The following NDST4 variants were observed in gnomAD, a reference collection of about 807,000 sequenced individuals.
NDST4 encodes N-heparan sulfate sulfotransferase 4.
A neutral mutation model predicts 100.8 loss-of-function variants in NDST4; 63 were observed. The ratio of observed to expected loss-of-function variants is 0.62; its 90% CI spans 0.51 to 0.77. The LOEUF (loss-of-function observed/expected upper bound fraction) is 0.77. Ranked by LOEUF, NDST4 falls within the 30% of genes least tolerant of loss-of-function variation. The pLI, the probability that NDST4 is intolerant of heterozygous loss-of-function variation, is 0.00. For synonymous variants in NDST4, 377 were observed against 361.8 expected (o/e 1.04, Z -0.48); for missense variants, 943 against 1,018.4 (o/e 0.93, Z 1.01).
chr4:114,996,827 G>C lies in NDST4; in HGVS notation c.979-19553C>G, dbSNP rs559200811. Among the ~76,000 whole-genome samples, 26 of 152,146 alleles carry C rather than the reference G, an allele frequency of 1.7e-4. No homozygotes were observed. In the South Asian group the frequency reaches 5.2e-3, roughly 30 times the overall value. ...TTTCATGCAGGCAAAATTAGAAAAT[G>C]ATTCTAGATAATTTCTTTTTCATGT... On this transcript the variant is annotated intron_variant, in intron 2 of 13. Coordinates refer to ENST00000264363, the MANE Select transcript of NDST4 (RefSeq NM_022569.3).
chr4:114,977,204 C>G lies in NDST4; in HGVS notation c.1049G>C (p.Gly350Ala), dbSNP rs145141232. The change falls in exon 3 of 14, where the codon GGG becomes GCG. Residue 350 changes from glycine to alanine, a missense_variant. Gly to Ala is a moderately conservative substitution (Grantham distance 60). Coordinates refer to ENST00000264363, the MANE Select transcript of NDST4 (RefSeq NM_022569.3). ...CTTCTTACCTGTGTGGTAAAACTTC[C>G]CTGAAAATCCAAGGTTGAAGGTAAA... ...ANFTFNLGFS[G>A]KFYHTGTEEE... 2,858 of 1,607,432 alleles carry G rather than the reference C, an allele frequency of 1.8e-3. 2 individuals are homozygous for G. Among genetic ancestry groups the G allele is most frequent in the Non-Finnish European group, 2.3e-3 (2,663 of 1,175,902 alleles).
intron 2 of NDST4, among the ~76,000 whole-genome samples, chr4:115,053,008 T>C (rs542871613): frequency 6.6e-6 from 1 of 152,272 alleles, no homozygotes; most frequent in East Asian, 1.9e-4. Context: ...TATTTATTCC[T>C]CGAACAAAAG....
chr4:115,040,731 A>G (rs1029005106), intron 2 of NDST4, among the ~76,000 whole-genome samples: 1 of 152,020 alleles, frequency 6.6e-6, no homozygotes, highest in African/African-American at 2.4e-5. Context: ...GAAAATTAAC[A>G]AGACAAAATT....
At chr4:115,021,447 T>C (rs1452559643) in intron 2 of NDST4, among the ~76,000 whole-genome samples, 1 of 150,800 alleles carries the variant, frequency 6.6e-6, no homozygotes, top group Non-Finnish European at 1.5e-5. Flanking sequence ...ATTCCACATA[T>C]ACACATTCCA....
At chr4:114,947,446 C>G (rs1348100288) in intron 4 of NDST4, among the ~76,000 whole-genome samples, 1 of 152,106 alleles carries the variant, frequency 6.6e-6, no homozygotes, top group Non-Finnish European at 1.5e-5. Flanking sequence ...TAGCACTACT[C>G]CCTTAATTGC....
At chr4:115,078,084 T>C (rs1446219966) in intron 1 of NDST4, among the ~76,000 whole-genome samples, 1 of 152,154 alleles carries the variant, frequency 6.6e-6, no homozygotes, top group Non-Finnish European at 1.5e-5. Flanking sequence ...AAAAAATGAA[T>C]GTAGAATGCA....
At chr4:115,112,805 A>G (rs2110349208) in intron 1 of NDST4, among the ~76,000 whole-genome samples, 1 of 152,032 alleles carries the variant, frequency 6.6e-6, no homozygotes, top group East Asian at 1.9e-4. Context: ...CTCCTAGGAA[A>G]CTATGCTTAG....
At chr4:115,001,371 C>T (rs558163329) in intron 2 of NDST4, among the ~76,000 whole-genome samples, 77 of 152,042 alleles carry the variant, frequency 5.1e-4, no homozygotes, top group African/African-American at 1.8e-3. Flanking sequence ...TAGAGTTGAT[C>T]GGCCCACCAG....
In NDST4 at chr4:114,915,929, C is replaced by A. The variant is rs888788341; in HGVS notation, c.1536+19277G>T. Among the ~76,000 whole-genome samples, 8 of 151,968 alleles carry A rather than the reference C, an allele frequency of 5.3e-5. No homozygotes were observed. In the South Asian group the frequency reaches 1.7e-3, roughly 31 times the overall value. ...AATGCAAACCCCAACCACTTAAAAT[C>A]GTAATATTCTCATTTGTTACACAGT... On this transcript the variant is annotated intron_variant, in intron 6 of 13. Coordinates refer to ENST00000264363, the MANE Select transcript of NDST4 (RefSeq NM_022569.3).
chr4:115,113,201 C>CT (rs772517009), intron 1 of NDST4, among the ~76,000 whole-genome samples: 22 of 151,174 alleles, frequency 1.5e-4, no homozygotes, highest in South Asian at 2.1e-4. Context: ...AGTTGTATCT[C>CT]TTTTTTTTTA....
At chr4:114,929,131 T>A (rs553916833) in intron 6 of NDST4, among the ~76,000 whole-genome samples, 1 of 151,110 alleles carries the variant, frequency 6.6e-6, no homozygotes, top group South Asian at 2.1e-4. Flanking sequence ...TATCTATCTA[T>A]CTATCTATCT....
intron 4 of NDST4, among the ~76,000 whole-genome samples, chr4:114,956,180 C>T (rs1181361220): frequency 6.6e-6 from 1 of 152,124 alleles, no homozygotes; most frequent in East Asian, 1.9e-4. Context: ...GGCTACTACC[C>T]CAACCCAGGA....
chr4:114,890,952 T>C (rs1292300646), intron 6 of NDST4, among the ~76,000 whole-genome samples: 1 of 152,048 alleles, frequency 6.6e-6, no homozygotes, highest in Non-Finnish European at 1.5e-5. Context: ...TTGCTTCATG[T>C]TTTCCCCAGG....
At chr4:115,067,714 TA>T (rs1415919973) in intron 2 of NDST4, among the ~76,000 whole-genome samples, 1 of 150,220 alleles carries the variant, frequency 6.7e-6, no homozygotes, top group Non-Finnish European at 1.5e-5. Flanking sequence ...TTAAATATAG[TA>T]ACCTTATCAT....
chr4:115,079,472 C>T (rs1032440586), intron 1 of NDST4, among the ~76,000 whole-genome samples: 1 of 151,722 alleles, frequency 6.6e-6, no homozygotes, highest in Non-Finnish European at 1.5e-5. Flanking sequence ...CAATGAATTA[C>T]TTTCTATACA....
At chr4:114,931,733 G>C (rs988967889) in intron 6 of NDST4, among the ~76,000 whole-genome samples, 1 of 151,758 alleles carries the variant, frequency 6.6e-6, no homozygotes, top group Non-Finnish European at 1.5e-5. Flanking sequence ...AACCTAACAG[G>C]TTAACCTAGA....
At chr4:114,852,470 T>C (rs138346643) in intron 8 of NDST4, among the ~76,000 whole-genome samples, 30 of 152,292 alleles carry the variant, frequency 2.0e-4, no homozygotes, top group African/African-American at 7.2e-4. Flanking sequence ...TGTCCAAATT[T>C]GGCATGTATG....
chr4:114,846,781 TAA>T (rs1192677083), intron 9 of NDST4, among the ~76,000 whole-genome samples: 1 of 152,184 alleles, frequency 6.6e-6, no homozygotes, highest in Non-Finnish European at 1.5e-5. Flanking sequence ...AGAATTCATA[TAA>T]GACACTTATT....
chr4:115,090,463 A>G (rs942722554), intron 1 of NDST4, among the ~76,000 whole-genome samples: 2 of 152,050 alleles, frequency 1.3e-5, no homozygotes, highest in African/African-American at 2.4e-5. Context: ...GAAAGATAAC[A>G]TAATAAAATG....
Sources: gnomAD v4.1 joint callset for allele counts (sites outside exome capture counted in the v4.1 genomes callset) on GRCh38, gnomAD v4.1.1 for gene constraint, MANE v1.5 for transcripts, NCBI Gene and HGNC (gene_info 2026-07-23, HGNC 2026-07-21) for gene names.